SAV1: variants seen among roughly 807,000 people sequenced by gnomAD.
SAV1 encodes protein salvador homolog 1.
A neutral mutation model predicts 47.3 loss-of-function variants in SAV1; 23 were observed. The observed-to-expected ratio is 0.49, with a 90% confidence interval of 0.35 to 0.69. SAV1 has a LOEUF of 0.69. Among genes scored for constraint, SAV1 ranks in the 30% least tolerant of loss-of-function variants. The pLI is 0.01. For synonymous variants in SAV1, 155 were observed against 159.2 expected, an observed-to-expected ratio of 0.97 and a Z score of 0.20; for missense variants, 448 against 457.4, an observed-to-expected ratio of 0.98 and a Z score of 0.19.
rs368491552 is a variant in SAV1, at chr14:50,644,899, A to G, written c.651T>C (p.Tyr217=). The G allele has an allele frequency of 8.7e-5, 141 of 1,614,048 alleles. No individual in the cohort carries two copies. The Middle Eastern group carries it at 1.6e-3, about 19-fold the overall frequency. ...GAGTTGTATTTGTGTTATGATCTAT[A>G]TAATATTTTCTCCCTCTCATTGTCC... ...VDWTMRGRKY[Y]IDHNTNTTHW... is the part of the protein sequence containing the mutation. The change falls in exon 3 of 5, where the codon TAT becomes TAC. Residue 217 remains tyrosine (Y), a synonymous_variant. Transcript: ENST00000324679.
intron 2 of SAV1, among the ~76,000 whole-genome samples, chr14:50,651,969 C>T (rs556350426): frequency 3.7e-4 from 57 of 152,202 alleles, no homozygotes; most frequent in African/African-American, 1.3e-3. Flanking sequence ...CGGGAAATAT[C>T]CTAAATTTAA....
chr14:50,666,847 T>A (rs750154063), intron 1 of SAV1, among the ~76,000 whole-genome samples: 3 of 152,078 alleles, frequency 2.0e-5, no homozygotes, highest in Non-Finnish European at 4.4e-5. Flanking sequence ...TGACATATAT[T>A]TTGTTGAAAG....
At chr14:50,663,997 C>T (rs925914966) in intron 2 of SAV1, among the ~76,000 whole-genome samples, 2 of 152,174 alleles carry the variant, frequency 1.3e-5, no homozygotes, top group African/African-American at 4.8e-5. Context: ...TCTTCTGGCC[C>T]TTGTTAATCT....
At chr14:50,643,905 A>G (rs2039700313) in intron 3 of SAV1, among the ~76,000 whole-genome samples, 1 of 152,374 alleles carries the variant, frequency 6.6e-6, no homozygotes. Flanking sequence ...AATGTCCACT[A>G]TAACCAAAAA....
chr14:50,640,639 C>T (rs2039673163), intron 4 of SAV1, 111 bp downstream of exon 4: 9 of 885,222 alleles, frequency 1.0e-5, no homozygotes, highest in Non-Finnish European at 1.5e-5. Context: ...ACTTAGAAGC[C>T]GAATATTATT....
At position 50,668,025 on chromosome 14, in the gene SAV1, C is replaced by G; in HGVS notation, c.-58G>C. The G allele has an allele frequency of 1.5e-6, 2 of 1,324,100 alleles. No individual in the cohort carries two copies. The highest frequency in any genetic ancestry group is 2.7e-5 in the Admixed American group (1 of 36,886). The allele number at this position is 1,324,100 out of a possible 1,614,324, so 82.0% of individuals were successfully genotyped here. The stretch of plus-strand genomic sequence containing the variant: ...TGCCTCCCTAGGGCTCCGCGCCGGG[C>G]GCCGGCCGTCTCCGCCGCCACCTCC... On this transcript the variant is annotated 5_prime_UTR_variant, in exon 1 of 5. Transcript: ENST00000324679.
At chr14:50,650,476 T>C (rs2039758774) in intron 2 of SAV1, among the ~76,000 whole-genome samples, 1 of 152,208 alleles carries the variant, frequency 6.6e-6, no homozygotes, top group African/African-American at 2.4e-5. Context: ...GGGCCCCAAT[T>C]ATCCCTGTCC....
intron 2 of SAV1, among the ~76,000 whole-genome samples, chr14:50,656,380 C>T (rs1030477675): frequency 9.2e-5 from 14 of 152,004 alleles, no homozygotes; most frequent in Middle Eastern, 3.4e-3. Context: ...CCTGTAAAGC[C>T]ATGATTCCTA....
At chr14:50,657,580 C>G (rs1312058050) in intron 2 of SAV1, among the ~76,000 whole-genome samples, 2 of 152,110 alleles carry the variant, frequency 1.3e-5, no homozygotes, top group African/African-American at 4.8e-5. Context: ...ATGACTACCA[C>G]TAGTAAAAGA....
At position 50,639,507 on chromosome 14, in the gene SAV1, T is replaced by C. The variant is rs558006017; in HGVS notation, c.950+1243A>G. ...ACCTCTTGTTTAAGTTTTTAAGCAG[T>C]AAAGAAGTATAGTACTTGCTCCCTT... On this transcript the variant is annotated intron_variant, in intron 4 of 4. Transcript: ENST00000324679. Among the ~76,000 whole-genome samples the C allele has an allele frequency of 2.0e-5, 3 of 152,300 alleles. No individual in the cohort carries two copies. The East Asian group carries it at 5.8e-4, about 29-fold the overall frequency.
At chr14:50,646,212 T>C (rs1384309039) in intron 2 of SAV1, among the ~76,000 whole-genome samples, 5 of 152,138 alleles carry the variant, frequency 3.3e-5, no homozygotes, top group African/African-American at 1.2e-4. Context: ...TTAGGCACAG[T>C]AAGGGATTAA....
At chr14:50,644,589 C>G (rs1387883335) in intron 3 of SAV1, among the ~76,000 whole-genome samples, 155 bp downstream of exon 3, 1 of 151,850 alleles carries the variant, frequency 6.6e-6, no homozygotes, top group Non-Finnish European at 1.5e-5. Context: ...TCATTTATTA[C>G]TAAATGTATG....
At chr14:50,667,321 T>C (rs2039910215) in intron 1 of SAV1, 1 of 412,432 alleles carries the variant, frequency 2.4e-6, no homozygotes, top group African/African-American at 2.1e-5. Context: ...CTCTCTGCTC[T>C]GCTGTGTAAG....
At position 50,640,767 on chromosome 14, in the gene SAV1, G is replaced by A. The variant is rs762207330; in HGVS notation, c.933C>T (p.Tyr311=). 5.0e-6 allele frequency: 8 copies of A among 1,612,834 alleles called. No homozygotes were observed. Among genetic ancestry groups the A allele is most frequent in the Admixed American group, 3.3e-5 (2 of 59,890 alleles). ...TAEIPDWLQV[Y]ARAPVKYDHI... ...GTACTTACTTCACAGGGGCTCGTGC[G>A]TAAACCTGAAGCCAGTCAGGAATTT... is the stretch of plus-strand genomic sequence containing the variant. Residue 311 remains tyrosine, a synonymous_variant, in exon 4 of 5, where the codon TAC becomes TAT. Coordinates refer to ENST00000324679, the MANE Select transcript of SAV1 (RefSeq NM_021818.4).
chr14:50,646,581 G>A (rs1338716067), intron 2 of SAV1, among the ~76,000 whole-genome samples: 1 of 151,634 alleles, frequency 6.6e-6, no homozygotes, highest in African/African-American at 2.4e-5. Context: ...AGCTACTCGG[G>A]AGGCTGAGGC....
At chr14:50,663,344 T>C (rs1397150901) in intron 2 of SAV1, among the ~76,000 whole-genome samples, 5 of 152,242 alleles carry the variant, frequency 3.3e-5, no homozygotes, top group Non-Finnish European at 7.3e-5. Flanking sequence ...GAAGAAAATA[T>C]AAATGAGCTT....
At chr14:50,650,603 T>TTGC (rs2039759835) in intron 2 of SAV1, among the ~76,000 whole-genome samples, 1 of 152,214 alleles carries the variant, frequency 6.6e-6, no homozygotes, top group African/African-American at 2.4e-5. Context: ...TCAAGTGTAC[T>TTGC]TGCTCTCTCA....
rs779939064 is a variant in SAV1, at chr14:50,635,286, A to G, written c.1049T>C (p.Ile350Thr). ...TCTGTATGCTTCATACATTTTAACA[A>G]TCTGCTCCAATTCTTTCATGAAGAG... ...KLLFMKELEQ[I>T]VKMYEAYRQA... The change falls in exon 5 of 5, where the codon ATT becomes ACT. Residue 350 changes from isoleucine to threonine, a missense_variant. Coordinates refer to ENST00000324679, the MANE Select transcript of SAV1 (RefSeq NM_021818.4). 9 of 1,614,152 alleles carry G rather than the reference A, an allele frequency of 5.6e-6. No individual in the cohort carries two copies. The highest frequency in any genetic ancestry group is 7.6e-6 in the Non-Finnish European group (9 of 1,180,012).
intron 2 of SAV1, among the ~76,000 whole-genome samples, chr14:50,652,370 T>C (rs533685244): frequency 1.3e-5 from 2 of 152,268 alleles, no homozygotes; most frequent in Admixed American, 1.3e-4. Context: ...ATTGAAAAGG[T>C]CTACAAGCAT....
Sources: allele counts gnomAD v4.1 joint callset (sites outside exome capture counted in the v4.1 genomes callset), GRCh38; gene constraint gnomAD v4.1.1; transcripts MANE v1.5; gene names NCBI Gene and HGNC (gene_info 2026-07-23, HGNC 2026-07-21).